The following ESRRG variants were observed in gnomAD, a reference collection of about 807,000 sequenced individuals.
ESRRG encodes estrogen related receptor gamma.
In ESRRG, 13 loss-of-function variants were observed where a neutral mutation model predicts 44.0. That is an observed-to-expected ratio of 0.30 (90% CI 0.19 to 0.47). ESRRG has a LOEUF of 0.47. Ranked by LOEUF, ESRRG falls within the 20% of genes least tolerant of loss-of-function variation. The pLI, the probability that ESRRG is intolerant of heterozygous loss-of-function variation, is 1.00. For missense variants in ESRRG, 395 were observed against 580.6 expected (o/e 0.68, Z 3.29); for synonymous variants, 215 against 214.6 (o/e 1.00, Z -0.02).
chr1:216,572,244 A>G lies in ESRRG; in HGVS notation c.590-4146T>C, dbSNP rs375166274. On this transcript the variant is annotated intron_variant, in intron 3 of 6. Coordinates refer to ENST00000408911, the MANE Select transcript of ESRRG (RefSeq NM_001438.4). ...CTACTTCCACATCATACTGAAAGTA[A>G]TCATCAATTTATTTAGTTACACTGG... is the stretch of plus-strand genomic sequence containing the variant. Among the ~76,000 whole-genome samples, 3 of 152,232 alleles carry G rather than the reference A, an allele frequency of 2.0e-5. No homozygotes were observed. In the East Asian group the frequency reaches 5.8e-4, roughly 29 times the overall value.
chr1:217,024,079 C>A (rs183608484), intron 1 of ESRRG, among the ~76,000 whole-genome samples: 1 of 152,314 alleles, frequency 6.6e-6, no homozygotes, highest in Non-Finnish European at 1.5e-5. Flanking sequence ...AGCTGTACAG[C>A]AGGGCACTGT....
chr1:216,991,359 A>G (rs1348490647), intron 1 of ESRRG, among the ~76,000 whole-genome samples: 5 of 152,090 alleles, frequency 3.3e-5, no homozygotes, highest in Non-Finnish European at 5.9e-5. Context: ...CGTCTAGGTA[A>G]TCCCAAGCGT....
intron 2 of ESRRG, among the ~76,000 whole-genome samples, chr1:216,833,690 C>A (rs1302652940): frequency 6.6e-6 from 1 of 152,098 alleles, no homozygotes; most frequent in East Asian, 1.9e-4. Context: ...GGTGGTTAAT[C>A]CAATTACCAC....
At chr1:216,668,053 C>A (rs536306947) in intron 2 of ESRRG, among the ~76,000 whole-genome samples, 4 of 152,034 alleles carry the variant, frequency 2.6e-5, no homozygotes, top group African/African-American at 9.7e-5. Flanking sequence ...GCCAAGATCA[C>A]ACCATTGCAC....
intron 2 of ESRRG, among the ~76,000 whole-genome samples, chr1:216,835,378 G>A (rs7536975): frequency 1.5e-3 from 229 of 152,294 alleles, no homozygotes; most frequent in African/African-American, 5.4e-3. Context: ...CATCTGGACT[G>A]GTTACACTCA....
chr1:217,060,014 G>T (rs2088003916), intron 1 of ESRRG, among the ~76,000 whole-genome samples: 1 of 152,002 alleles, frequency 6.6e-6, no homozygotes, highest in Non-Finnish European at 1.5e-5. Flanking sequence ...TACTTATGAA[G>T]AATACAAAGG....
At chr1:216,825,805 T>C (rs1047461519) in intron 2 of ESRRG, among the ~76,000 whole-genome samples, 8 of 152,226 alleles carry the variant, frequency 5.3e-5, no homozygotes, top group African/African-American at 1.9e-4. Context: ...CTTCTGGAAA[T>C]GTAATGACAG....
At chr1:217,021,034 C>T (rs965622309) in intron 1 of ESRRG, among the ~76,000 whole-genome samples, 8 of 142,180 alleles carry the variant, frequency 5.6e-5, no homozygotes, top group Non-Finnish European at 1.1e-4. Context: ...CCCCATCCCC[C>T]AACCCTGCCA....
chr1:216,599,141 T>C (rs12145447), intron 3 of ESRRG, among the ~76,000 whole-genome samples: 30,218 of 152,014 alleles, frequency 0.2, 3,789 homozygotes, highest in Non-Finnish European at 0.28. Context: ...TAGATATTCA[T>C]AGGGGGTTCC....
intron 2 of ESRRG, among the ~76,000 whole-genome samples, chr1:216,652,680 A>T (rs2069296095): frequency 6.6e-6 from 1 of 152,198 alleles, no homozygotes; most frequent in South Asian, 2.1e-4. Context: ...CTATACTCTT[A>T]GAAAACCAAG....
At chr1:216,582,448 T>C (rs1306074127) in intron 3 of ESRRG, among the ~76,000 whole-genome samples, 1 of 152,166 alleles carries the variant, frequency 6.6e-6, no homozygotes, top group Non-Finnish European at 1.5e-5. Flanking sequence ...GTCAATTCTT[T>C]TCTTTTTTTT....
At chr1:217,102,492 C>G (rs1391707049) in intron 1 of ESRRG, among the ~76,000 whole-genome samples, 1 of 152,182 alleles carries the variant, frequency 6.6e-6, no homozygotes, top group Non-Finnish European at 1.5e-5. Context: ...TGAGTTGCCA[C>G]TTCTCTAGTT....
intron 1 of ESRRG, among the ~76,000 whole-genome samples, chr1:217,018,639 A>G (rs1305580713): frequency 6.6e-6 from 1 of 152,200 alleles, no homozygotes; most frequent in East Asian, 1.9e-4. Flanking sequence ...ACAAGTCAAT[A>G]TACAATTTCT....
intron 1 of ESRRG, among the ~76,000 whole-genome samples, chr1:216,690,968 C>T (rs1455353075): frequency 6.6e-6 from 1 of 152,152 alleles, no homozygotes; most frequent in African/African-American, 2.4e-5. Flanking sequence ...GTAAACATAA[C>T]ATAAATGCAT....
intron 3 of ESRRG, among the ~76,000 whole-genome samples, chr1:216,572,164 G>T (rs545016704): frequency 5.9e-5 from 9 of 152,226 alleles, no homozygotes; most frequent in Admixed American, 5.2e-4. Context: ...TGGTTTACCT[G>T]ATTTCATGCT....
chr1:217,136,523 T>TCCGTGGGGTTTTG (rs2093052171), intron 1 of ESRRG, among the ~76,000 whole-genome samples: 1 of 152,118 alleles, frequency 6.6e-6, no homozygotes, highest in Non-Finnish European at 1.5e-5. Flanking sequence ...GCGAGATAGC[T>TCCGTGGGGTTTTG]CCGTGGGGTT....
chr1:217,066,025 G>C (rs1299545276), intron 1 of ESRRG, among the ~76,000 whole-genome samples: 1 of 152,130 alleles, frequency 6.6e-6, no homozygotes, highest in Non-Finnish European at 1.5e-5. Flanking sequence ...GCGTTGCTTT[G>C]AGGAATAGCT....
intron 2 of ESRRG, among the ~76,000 whole-genome samples, chr1:216,894,208 A>G (rs908857487): frequency 6.6e-6 from 1 of 152,140 alleles, no homozygotes; most frequent in Non-Finnish European, 1.5e-5. Context: ...AGCTATAACT[A>G]TGGGTCAGAT....
intron 1 of ESRRG, among the ~76,000 whole-genome samples, chr1:216,983,415 A>G (rs1179450841): frequency 6.6e-6 from 1 of 151,674 alleles, no homozygotes; most frequent in African/African-American, 2.4e-5. Context: ...TATTTTTTGC[A>G]AAGACGGGGT....
Sources: gnomAD v4.1 joint callset for allele counts (sites outside exome capture counted in the v4.1 genomes callset) on GRCh38, gnomAD v4.1.1 for gene constraint, MANE v1.5 for transcripts, NCBI Gene and HGNC (gene_info 2026-07-23, HGNC 2026-07-21) for gene names.